PSMD14: variants seen among roughly 807,000 people sequenced by gnomAD.
PSMD14 encodes proteasome 26S subunit, non-ATPase 14, also known as ubiquitin C-terminal hydrolase PSMD14.
PSMD14 carries 7 observed loss-of-function variants against 41.2 expected under a neutral mutation model. That is an observed-to-expected ratio of 0.17 (90% CI 0.10 to 0.32). The LOEUF is 0.32. Ranked by LOEUF, PSMD14 falls within the 10% of genes least tolerant of loss-of-function variation. The pLI is 1.00. For missense variants in PSMD14, 139 were observed against 375.6 expected, an observed-to-expected ratio of 0.37 and a Z score of 5.21; for synonymous variants, 114 against 122.3, an observed-to-expected ratio of 0.93 and a Z score of 0.45.
At chr2:161,322,158 A>G (rs1682617761) in intron 3 of PSMD14, among the ~76,000 whole-genome samples, 1 of 152,088 alleles carries the variant, frequency 6.6e-6, no homozygotes, top group Non-Finnish European at 1.5e-5. Context: ...TGTGCCAGAA[A>G]CTCAGGATAA....
rs1198340609 is a variant in PSMD14 at position 161,371,378 on chromosome 2, A to T, written c.462+56A>T. ...ACTGCCACATTCTGTTTACAGATAC[A>T]TTAAATAAAAATCAATTTTGTTCAA... On this transcript the variant is annotated intron_variant, in intron 7 of 11. Coordinates refer to ENST00000409682, the MANE Select transcript of PSMD14 (RefSeq NM_005805.6). 4.7e-6 allele frequency: 7 copies of T among 1,499,908 alleles called. No individual in the cohort carries two copies. The South Asian group carries it at 7.6e-5, about 16-fold the overall frequency. 92.9% of individuals were successfully genotyped at this position (1,499,908 alleles called of 1,614,324 possible).
At chr2:161,342,200 C>T (rs1348074779) in intron 3 of PSMD14, among the ~76,000 whole-genome samples, 2 of 152,114 alleles carry the variant, frequency 1.3e-5, no homozygotes, top group Non-Finnish European at 2.9e-5. Flanking sequence ...GTGAAATGAG[C>T]ATTCCTGTCT....
chr2:161,392,479 C>T (rs1398239394), intron 9 of PSMD14, among the ~76,000 whole-genome samples: 1 of 152,178 alleles, frequency 6.6e-6, no homozygotes, highest in Non-Finnish European at 1.5e-5. Flanking sequence ...AACCAGATCA[C>T]ATCCATTTTT....
chr2:161,390,744 T>G (rs1683699952), intron 8 of PSMD14, among the ~76,000 whole-genome samples: 1 of 152,196 alleles, frequency 6.6e-6, no homozygotes, highest in Admixed American at 6.5e-5. Flanking sequence ...AGGCTTTTCA[T>G]TTGAAATACC....
At chr2:161,376,073 GCTT>G (rs1197930726) in intron 7 of PSMD14, among the ~76,000 whole-genome samples, 1 of 149,606 alleles carries the variant, frequency 6.7e-6, no homozygotes, top group Non-Finnish European at 1.5e-5. Flanking sequence ...CTTCTTTTGA[GCTT>G]CTTATTTTAT....
chr2:161,326,694 A>G (rs1480240440), intron 3 of PSMD14, among the ~76,000 whole-genome samples: 3 of 152,190 alleles, frequency 2.0e-5, no homozygotes, highest in Non-Finnish European at 2.9e-5. Flanking sequence ...AAATGCATAT[A>G]CACTCATTCC....
intron 3 of PSMD14, among the ~76,000 whole-genome samples, chr2:161,319,857 A>G (rs1689184365): frequency 6.6e-6 from 1 of 152,180 alleles, no homozygotes; most frequent in Admixed American, 6.5e-5. Flanking sequence ...TGACTTTTAT[A>G]AAGTTGAAAT....
intron 3 of PSMD14, among the ~76,000 whole-genome samples, chr2:161,358,476 G>A (rs1029287633): frequency 1.1e-4 from 17 of 152,112 alleles, no homozygotes; most frequent in African/African-American, 3.6e-4. Context: ...CTGTGGGTGA[G>A]GGATAAAAAC....
At chr2:161,367,409 A>T (rs1343116137) in intron 3 of PSMD14, 69 bp from the exon 4 acceptor site, 9 of 1,251,706 alleles carry the variant, frequency 7.2e-6, no homozygotes, top group South Asian at 4.0e-5. Context: ...TTTATACCAC[A>T]TGTAACTTGA....
chr2:161,333,437 G>A (rs1682823567), intron 3 of PSMD14, among the ~76,000 whole-genome samples: 1 of 152,150 alleles, frequency 6.6e-6, no homozygotes, highest in African/African-American at 2.4e-5. Flanking sequence ...ACAGTAGCAT[G>A]GCCTTCTGCC....
chr2:161,338,341 GTT>G (rs34156868), intron 3 of PSMD14, among the ~76,000 whole-genome samples: 118,196 of 133,058 alleles, frequency 0.89, 52,207 homozygotes, highest in East Asian at 0.98. Context: ...GGTTAGGAGA[GTT>G]TTTTTTTTTT....
At chr2:161,389,889 G>GCTGTTTTTTTTTT (rs1683685764) in intron 8 of PSMD14, among the ~76,000 whole-genome samples, 1 of 20,042 alleles carries the variant, frequency 5.0e-5, no homozygotes, top group African/African-American at 1.5e-4. Flanking sequence ...CTTTTTTGTT[G>GCTGTTTTTTTTTT]TTTTTTTTTT....
chr2:161,371,104 G>A (rs1476608568), intron 6 of PSMD14, 68 bp from the exon 7 acceptor site: 1 of 1,510,942 alleles, frequency 6.6e-7, no homozygotes, highest in Non-Finnish European at 9.1e-7. Flanking sequence ...TTAGTGTGTT[G>A]TTTCTTTTCA....
At chr2:161,365,069 G>A (rs749044116) in intron 3 of PSMD14, among the ~76,000 whole-genome samples, 38 of 152,284 alleles carry the variant, frequency 2.5e-4, no homozygotes, top group Non-Finnish European at 5.0e-4. Flanking sequence ...TCGCGCCATT[G>A]CACTCCAGCC....
At chr2:161,320,179 G>C (rs6710747) in intron 3 of PSMD14, among the ~76,000 whole-genome samples, 139,027 of 152,266 alleles carry the variant, frequency 0.91, 63,520 homozygotes, top group East Asian at 1. Context: ...TATGTAGATA[G>C]TGCAGATTTA....
At position 161,312,759 on chromosome 2, in the gene PSMD14, A is replaced by G. The variant is rs549976642; in HGVS notation, c.-137-3678A>G. On this transcript the variant is annotated intron_variant, in intron 1 of 11. Transcript: ENST00000409682. ...ATCCATCGACCTTTTTATTGCTTTTATTTCTAAGAATTGAAAGTGTTCCCT... is the reference window on the plus strand; with the variant it reads ...ATCCATCGACCTTTTTATTGCTTTTGTTTCTAAGAATTGAAAGTGTTCCCT... Among the ~76,000 whole-genome samples, 56 of 152,266 alleles carry G rather than the reference A, an allele frequency of 3.7e-4. 3 individuals are homozygous for G. In the South Asian group the frequency reaches 0.011, roughly 29 times the overall value.
chr2:161,401,777 A>ACAT (rs1185953495), intron 10 of PSMD14, among the ~76,000 whole-genome samples: 1 of 55,762 alleles, frequency 1.8e-5, no homozygotes, highest in Admixed American at 2.0e-4. Context: ...CATGCATTTG[A>ACAT]CATTATTATT....
At chr2:161,395,016 C>A in intron 9 of PSMD14, 62 bp from the exon 10 acceptor site, 6 of 1,273,384 alleles carry the variant, frequency 4.7e-6, no homozygotes, top group Non-Finnish European at 5.2e-6. Flanking sequence ...TTTTTTTTCT[C>A]TAGACAATGA....
chr2:161,369,495 T>C (rs1197456203), intron 5 of PSMD14, among the ~76,000 whole-genome samples: 1 of 152,048 alleles, frequency 6.6e-6, no homozygotes, highest in Admixed American at 6.6e-5. Context: ...TGCATACTGT[T>C]TGTTTTGGTG....
Sources: gnomAD v4.1 joint callset for allele counts (sites outside exome capture counted in the v4.1 genomes callset) on GRCh38, gnomAD v4.1.1 for gene constraint, MANE v1.5 for transcripts, NCBI Gene and HGNC (gene_info 2026-07-23, HGNC 2026-07-21) for gene names.